Variants in JAZF1 observed in about 807,000 individuals in gnomAD.
JAZF1 encodes juxtaposed with another zinc finger protein 1.
In JAZF1, 8 loss-of-function variants were observed where a neutral mutation model predicts 26.4. The observed-to-expected ratio is 0.30, with a 90% CI of 0.18 to 0.55. The LOEUF (loss-of-function observed/expected upper bound fraction) is 0.55, where lower values mean the gene tolerates loss of function less well. JAZF1 is among the 20% of genes least tolerant of loss of function. JAZF1 has a pLI of 0.94. For synonymous variants in JAZF1, 126 were observed against 122.3 expected (o/e 1.03, Z -0.20); for missense variants, 199 against 322.0 (o/e 0.62, Z 2.92).
chr7:28,026,202 C>A (rs1783090944), intron 1 of JAZF1, among the ~76,000 whole-genome samples: 1 of 152,102 alleles, frequency 6.6e-6, no homozygotes, highest in Admixed American at 6.6e-5. Context: ...CAAGTGACTT[C>A]TAAAGATGAA....
At chr7:27,977,795 G>A (rs541273739) in intron 2 of JAZF1, among the ~76,000 whole-genome samples, 8 of 152,270 alleles carry the variant, frequency 5.3e-5, no homozygotes, top group African/African-American at 1.2e-4. Context: ...TCAGTTCAGC[G>A]AAGCTGCTGT....
chr7:28,070,585 G>T (rs1783960808), intron 1 of JAZF1, among the ~76,000 whole-genome samples: 1 of 152,234 alleles, frequency 6.6e-6, no homozygotes, highest in Non-Finnish European at 1.5e-5. Context: ...CGGGCAGGCT[G>T]TCAGTGGCAG....
At chr7:27,871,850 G>A (rs1200540563) in intron 3 of JAZF1, among the ~76,000 whole-genome samples, 2 of 152,152 alleles carry the variant, frequency 1.3e-5, no homozygotes, top group African/African-American at 4.8e-5. Context: ...ACTGTCACAC[G>A]AGAACTGTCA....
intron 2 of JAZF1, among the ~76,000 whole-genome samples, chr7:27,909,433 G>A (rs1289563275): frequency 3.3e-5 from 5 of 151,588 alleles, no homozygotes; most frequent in African/African-American, 7.3e-5. Context: ...CTGGCCGGGC[G>A]CGGTGGCTCA....
chr7:27,849,032 G>A (rs2128333549), intron 3 of JAZF1, among the ~76,000 whole-genome samples: 1 of 152,300 alleles, frequency 6.6e-6, no homozygotes, highest in African/African-American at 2.4e-5. Flanking sequence ...GGTGTGGGAG[G>A]GTAAGGGATG....
chr7:27,914,784 T>G (rs1447418542), intron 2 of JAZF1: 1 of 471,068 alleles, frequency 2.1e-6, no homozygotes, highest in East Asian at 6.9e-5. Flanking sequence ...GGTTCAGCCT[T>G]GACTCCATCT....
chr7:28,016,662 C>T (rs983758376), intron 1 of JAZF1, among the ~76,000 whole-genome samples: 8 of 152,152 alleles, frequency 5.3e-5, no homozygotes, highest in Non-Finnish European at 1.2e-4. Flanking sequence ...GCTCCCCCTG[C>T]CCTTACTCAT....
chr7:27,977,952 A>G (rs568204946), intron 2 of JAZF1, among the ~76,000 whole-genome samples: 1 of 152,344 alleles, frequency 6.6e-6, no homozygotes, highest in Non-Finnish European at 1.5e-5. Context: ...CTAGAGCCTG[A>G]AAACCATTAT....
intron 2 of JAZF1, among the ~76,000 whole-genome samples, chr7:27,907,194 C>A (rs1274374269): frequency 1.3e-5 from 2 of 152,212 alleles, no homozygotes; most frequent in Admixed American, 6.5e-5. Flanking sequence ...GACTCCTTCT[C>A]ATCTTGGGGT....
At chr7:28,130,593 C>G (rs981767648) in intron 1 of JAZF1, among the ~76,000 whole-genome samples, 1 of 152,188 alleles carries the variant, frequency 6.6e-6, no homozygotes, top group Non-Finnish European at 1.5e-5. Context: ...CCACTTAATG[C>G]TTCTATGTTT....
At chr7:28,019,757 C>T (rs1164814133) in intron 1 of JAZF1, among the ~76,000 whole-genome samples, 1 of 152,128 alleles carries the variant, frequency 6.6e-6, no homozygotes, top group Non-Finnish European at 1.5e-5. Context: ...TGAATGGATT[C>T]TTAAGACTCC....
chr7:28,158,887 C>T (rs1013435153), intron 1 of JAZF1, among the ~76,000 whole-genome samples: 1 of 152,118 alleles, frequency 6.6e-6, no homozygotes, highest in Non-Finnish European at 1.5e-5. Context: ...CTCATTTTGG[C>T]TCTCCACTCA....
intron 2 of JAZF1, among the ~76,000 whole-genome samples, chr7:27,989,562 C>T (rs1785851366): frequency 6.6e-6 from 1 of 152,142 alleles, no homozygotes; most frequent in Admixed American, 6.5e-5. Flanking sequence ...CCAGAATCTA[C>T]AAAGAACTTA....
chr7:28,051,186 T>TA (rs1311469987), intron 1 of JAZF1, among the ~76,000 whole-genome samples: 6 of 151,088 alleles, frequency 4.0e-5, no homozygotes, highest in South Asian at 2.1e-4. Context: ...TGTTTTTTTT[T>TA]AAGAAACTAT....
In JAZF1 at chr7:27,840,716, T is replaced by A; in HGVS notation, c.537A>T (p.Gly179=). The change falls in exon 4 of 5, where the codon GGA becomes GGT. Residue 179 remains glycine, a synonymous_variant. Transcript: ENST00000283928. The surrounding 1 kb of genome is among the most constrained non-coding windows in gnomAD (Gnocchi z 5.1). ...EEKPFACPVP[G]CKKRYKNVNG... is the part of the protein sequence containing the mutation. ...CTGTTACCTTGTATCTCTTTTTACA[T>A]CCAGGAACTGGGCAGGCAAAAGGCT... 6.2e-7 allele frequency: 1 copy of A among 1,614,192 alleles called. No individual in the cohort carries two copies. The highest frequency in any genetic ancestry group is 8.5e-7 in the Non-Finnish European group (1 of 1,180,028).
chr7:27,995,506 G>A (rs564283845), intron 1 of JAZF1, among the ~76,000 whole-genome samples: 4 of 152,082 alleles, frequency 2.6e-5, no homozygotes, highest in Non-Finnish European at 2.9e-5. Context: ...ACTGTTTTCC[G>A]CCCTAGACTA....
intron 1 of JAZF1, among the ~76,000 whole-genome samples, chr7:28,131,355 A>G (rs1782790715): frequency 6.6e-6 from 1 of 152,180 alleles, no homozygotes; most frequent in Non-Finnish European, 1.5e-5. Flanking sequence ...ACTGTACACA[A>G]TAAACTTTCT....
chr7:28,159,468 G>A (rs1406127647), intron 1 of JAZF1, among the ~76,000 whole-genome samples: 1 of 151,994 alleles, frequency 6.6e-6, no homozygotes, highest in Non-Finnish European at 1.5e-5. Context: ...GAGCAGAGAG[G>A]AAGGCGGGAG....
chr7:27,932,846 C>T (rs752775642), intron 2 of JAZF1, among the ~76,000 whole-genome samples: 2 of 152,128 alleles, frequency 1.3e-5, no homozygotes, highest in African/African-American at 4.8e-5. Context: ...TTTCTTCTAG[C>T]CTTAAGGCTT....
Sources: gnomAD v4.1 joint callset for allele counts (sites outside exome capture counted in the v4.1 genomes callset) on GRCh38, gnomAD v4.1.1 for gene constraint, Gnocchi (gnomAD v3.1) non-coding constraint, MANE v1.5 for transcripts, NCBI Gene and HGNC (gene_info 2026-07-23, HGNC 2026-07-21) for gene names.